ARHGEF3: variants seen among roughly 807,000 people sequenced by gnomAD.
The protein encoded by ARHGEF3 is 59.8 kDA protein.
Under a neutral mutation model 63.2 loss-of-function variants are expected in ARHGEF3, and 28 were observed. The observed-to-expected ratio is 0.44, with a 90% CI of 0.33 to 0.61. The LOEUF (loss-of-function observed/expected upper bound fraction) is 0.61, where lower values mean the gene tolerates loss of function less well. Among genes scored for constraint, ARHGEF3 ranks in the 20% least tolerant of loss-of-function variants. The pLI, the probability that ARHGEF3 is intolerant of heterozygous loss-of-function variation, is 0.03. For missense variants in ARHGEF3, 533 were observed against 659.3 expected, an observed-to-expected ratio of 0.81 and a Z score of 2.10; for synonymous variants, 266 against 254.2, an observed-to-expected ratio of 1.05 and a Z score of -0.44.
At position 56,884,723 on chromosome 3, in the gene ARHGEF3, G is replaced by A. The variant is rs188661492; in HGVS notation, c.130-2369C>T. ...TCCGGGCACAGCTGCCGTTTTTGAG[G>A]ATGCTTCACGTTTGTACAGGGCCCT... On this transcript the variant is annotated intron_variant, in intron 3 of 12. Transcript: ENST00000338458. 7.2e-5 allele frequency among the ~76,000 whole-genome samples: 11 copies of A among 152,342 alleles called. No individual in the cohort carries two copies. In the East Asian group the frequency reaches 2.1e-3, roughly 29 times the overall value.
chr3:57,067,985 G>A lies in ARHGEF3; in HGVS notation c.-28+11241C>T, dbSNP rs147691048. 1.3e-4 allele frequency among the ~76,000 whole-genome samples: 19 copies of A among 150,684 alleles called. No individual in the cohort carries two copies. The East Asian group carries it at 1.7e-3, about 14-fold the overall frequency. ...AGCCTGGGCGACAGAGCAAGACTCC[G>A]TCTCAAAAAAAACAAAAACAAACAA... On this transcript the variant is annotated intron_variant, in intron 1 of 12. Coordinates refer to the ARHGEF3 transcript ENST00000338458.
At chr3:56,963,466 C>A (rs1004521307) in intron 2 of ARHGEF3, among the ~76,000 whole-genome samples, 5 of 152,148 alleles carry the variant, frequency 3.3e-5, no homozygotes, top group African/African-American at 1.2e-4. Context: ...AAATCTGGAC[C>A]TGAGGTAACC....
chr3:56,996,890 A>ATTTTTTT (rs534187681), intron 2 of ARHGEF3, among the ~76,000 whole-genome samples: 8 of 136,502 alleles, frequency 5.9e-5, no homozygotes, highest in Non-Finnish European at 1.1e-4. Context: ...TATTATTATT[A>ATTTTTTT]TTTTTTTTTT....
intron 8 of ARHGEF3, among the ~76,000 whole-genome samples, chr3:56,734,662 C>T (rs2033475401): frequency 6.6e-6 from 1 of 152,146 alleles, no homozygotes; most frequent in South Asian, 2.1e-4. Flanking sequence ...ATTATTAGAT[C>T]ATTTTAAATT....
intron 2 of ARHGEF3, among the ~76,000 whole-genome samples, chr3:56,979,357 A>G (rs755518724): frequency 4.6e-5 from 7 of 152,168 alleles, no homozygotes; most frequent in Non-Finnish European, 1.0e-4. Flanking sequence ...AGTGGTTGGG[A>G]CAGGTTCACA....
chr3:56,934,473 C>T (rs868392521), intron 3 of ARHGEF3, among the ~76,000 whole-genome samples: 3 of 152,166 alleles, frequency 2.0e-5, no homozygotes, highest in Non-Finnish European at 4.4e-5. Flanking sequence ...GAAGGAGAGT[C>T]GCGAGTGGGA....
intron 1 of ARHGEF3, among the ~76,000 whole-genome samples, chr3:57,069,326 AT>A (rs1275029194): frequency 6.6e-6 from 1 of 151,878 alleles, no homozygotes; most frequent in Non-Finnish European, 1.5e-5. Context: ...GCTTTTTTAA[AT>A]TGCTTTTTTG....
At chr3:56,850,838 C>T (rs965424448) in intron 4 of ARHGEF3, among the ~76,000 whole-genome samples, 4 of 152,130 alleles carry the variant, frequency 2.6e-5, no homozygotes, top group African/African-American at 7.2e-5. Flanking sequence ...ATGCTAAATA[C>T]TTTAAAAATA....
At chr3:56,992,396 A>T (rs1382330703) in intron 2 of ARHGEF3, among the ~76,000 whole-genome samples, 1 of 126,784 alleles carries the variant, frequency 7.9e-6, no homozygotes, top group Non-Finnish European at 1.6e-5. Context: ...AAAAAAAAAA[A>T]AAAAAAAAAA....
At chr3:56,735,575 G>C (rs149268920) in intron 8 of ARHGEF3, among the ~76,000 whole-genome samples, 6 of 152,170 alleles carry the variant, frequency 3.9e-5, no homozygotes, top group African/African-American at 1.2e-4. Flanking sequence ...CTGATGTACA[G>C]AAAGATAATA....
intron 4 of ARHGEF3, among the ~76,000 whole-genome samples, chr3:56,830,656 G>A (rs2038901955): frequency 6.6e-6 from 1 of 152,150 alleles, no homozygotes; most frequent in South Asian, 2.1e-4. Flanking sequence ...AGGCCCTGCG[G>A]GATCTGGTGC....
intron 1 of ARHGEF3, among the ~76,000 whole-genome samples, chr3:56,795,260 T>C (rs2037292159): frequency 6.6e-6 from 1 of 152,196 alleles, no homozygotes; most frequent in Non-Finnish European, 1.5e-5. Flanking sequence ...TGAATGGATC[T>C]GGCAGCAGAT....
At chr3:56,807,402 G>A (rs1183152142) in intron 4 of ARHGEF3, among the ~76,000 whole-genome samples, 1 of 152,152 alleles carries the variant, frequency 6.6e-6, no homozygotes, top group Non-Finnish European at 1.5e-5. Flanking sequence ...TGTAACCTAT[G>A]TGTTTACATT....
At chr3:57,032,585 A>C (rs994357827) in intron 2 of ARHGEF3, among the ~76,000 whole-genome samples, 5 of 152,198 alleles carry the variant, frequency 3.3e-5, no homozygotes, top group African/African-American at 1.2e-4. Context: ...ATGGCCACAA[A>C]ATGGGGAGAA....
At chr3:56,834,250 T>C (rs1261998476) in intron 4 of ARHGEF3, among the ~76,000 whole-genome samples, 2 of 152,194 alleles carry the variant, frequency 1.3e-5, no homozygotes, top group African/African-American at 2.4e-5. Flanking sequence ...AAATAGTTAA[T>C]GTTACGTGAA....
chr3:56,924,512 G>A (rs1560055197), intron 3 of ARHGEF3, among the ~76,000 whole-genome samples: 1 of 152,162 alleles, frequency 6.6e-6, no homozygotes, highest in Non-Finnish European at 1.5e-5. Context: ...GGAAAGTAAA[G>A]GAATAAAAGA....
At chr3:56,746,703 C>T (rs1200717529) in intron 6 of ARHGEF3, among the ~76,000 whole-genome samples, 1 of 151,816 alleles carries the variant, frequency 6.6e-6, no homozygotes, top group Non-Finnish European at 1.5e-5. Context: ...GCTCTCCAGC[C>T]TTGGCAACAG....
chr3:57,073,907 A>G (rs375097782), intron 1 of ARHGEF3: 6 of 1,614,168 alleles, frequency 3.7e-6, no homozygotes, highest in South Asian at 1.1e-5. Flanking sequence ...CAGAGCTGAC[A>G]TTTCAGGGGG....
intron 3 of ARHGEF3, among the ~76,000 whole-genome samples, chr3:56,950,327 A>G (rs1038460886): frequency 1.2e-4 from 19 of 152,084 alleles, no homozygotes; most frequent in African/African-American, 4.6e-4. Context: ...AGAAACTACC[A>G]TCAGAGTGAA....
Sources: allele counts gnomAD v4.1 joint callset (sites outside exome capture counted in the v4.1 genomes callset), GRCh38; gene constraint gnomAD v4.1.1; transcripts MANE v1.5; gene names NCBI Gene and HGNC (gene_info 2026-07-23, HGNC 2026-07-21).